The following PDE4A variants were observed in gnomAD, a reference collection of about 807,000 sequenced individuals.
The protein encoded by PDE4A is 3',5'-cyclic-AMP phosphodiesterase 4A.
In PDE4A, 21 loss-of-function variants were observed where a neutral mutation model predicts 73.9. The observed-to-expected ratio is 0.28, with a 90% CI of 0.20 to 0.41. The LOEUF is 0.41. PDE4A is among the 10% of genes least tolerant of loss of function. PDE4A has a pLI of 1.00. For synonymous variants in PDE4A, 463 were observed against 505.4 expected, an observed-to-expected ratio of 0.92 and a Z score of 1.13; for missense variants, 958 against 1,211.4, an observed-to-expected ratio of 0.79 and a Z score of 3.10.
rs2043389879 is a variant in PDE4A at position 10,467,170 on chromosome 19, A to G, written c.2210A>G (p.Gln737Arg). Residue 737 changes from glutamine to arginine, a missense_variant, in exon 15 of 15, where the codon CAG becomes CGG. Physicochemically the swap from Gln to Arg is conservative, Grantham distance 43. Coordinates refer to ENST00000380702, the MANE Select transcript of PDE4A (RefSeq NM_001111307.2). ...ACAGCCCAAGAGGCATTGACTGCGC[A>G]GGGATTGTCAGGAGTCGAGGAAGCT... ...PCTAQEALTA[Q>R]GLSGVEEALD... The G allele has an allele frequency of 6.2e-7, 1 of 1,614,196 alleles. No individual in the cohort carries two copies. The highest frequency in any genetic ancestry group is 8.5e-7 in the Non-Finnish European group (1 of 1,180,030).
At position 10,467,616 on chromosome 19, in the gene PDE4A, A is replaced by C; in HGVS notation, c.2656A>C (p.Thr886Pro). 6.4e-7 allele frequency: 1 copy of C among 1,556,320 alleles called. No homozygotes were observed. The highest frequency in any genetic ancestry group is 8.7e-7 in the Non-Finnish European group (1 of 1,149,196). Residue 886 changes from threonine to proline, a missense_variant, in exon 15 of 15, where the codon ACC becomes CCC. Physicochemically the swap from Thr to Pro is conservative, Grantham distance 38. Around this residue, in one of 3 missense-constraint regions of PDE4A, gnomAD observed 243 missense variants for 245.9 expected, o/e 0.99. Transcript: ENST00000380702. ...PGGGGSGGDPT is the reference protein window; with the variant it reads ...PGGGGSGGDPP Reference sequence around the variant, plus strand: ...TGGCGGGGGGTCAGGTGGAGACCCTACCTGATCCCCAGACCTCTGTCCCTG... The same window carrying C: ...TGGCGGGGGGTCAGGTGGAGACCCTCCCTGATCCCCAGACCTCTGTCCCTG...
intron 2 of PDE4A, among the ~76,000 whole-genome samples, chr19:10,446,678 T>C (rs979171833): frequency 1.1e-4 from 17 of 150,404 alleles, no homozygotes; most frequent in Non-Finnish European, 4.4e-5. Flanking sequence ...CACTGCAACC[T>C]CCGCCTCCTG....
rs148157325 is a variant in PDE4A, at chr19:10,457,943, G to A, written c.942G>A (p.Pro314=). 28 of 1,613,206 alleles carry A rather than the reference G, an allele frequency of 1.7e-5. 1 individual carries two copies. In the Middle Eastern group the frequency reaches 5.5e-4, roughly 32 times the overall value. The stretch of plus-strand genomic sequence containing the variant: ...AGGAACGAGAAAAACAGCAAGCGCC[G>A]CGACCAAGACCCTCCCAGCCGCCCC... The part of the protein sequence containing the change: ...TMKEREKQQA[P]RPRPSQPPPP... Residue 314 remains proline, a synonymous_variant, in exon 8 of 15, where the codon CCG becomes CCA. Coordinates refer to ENST00000380702, the MANE Select transcript of PDE4A (RefSeq NM_001111307.2).
In PDE4A at chr19:10,449,147, A is replaced by G. The variant is rs1303666556; in HGVS notation, c.617A>G (p.Asn206Ser). ...SLLTNVPVPS[N>S]KRSPLGGPTP... ...CTGACCAATGTGCCCGTTCCCAGTAACAAGTAAGTGAAGGCTGGGCTGCAA... is the reference window on the plus strand; with the variant it reads ...CTGACCAATGTGCCCGTTCCCAGTAGCAAGTAAGTGAAGGCTGGGCTGCAA... Residue 206 changes from asparagine to serine, a missense_variant, in exon 4 of 15, where the codon AAC becomes AGC. Asn to Ser is a conservative substitution (Grantham distance 46). Coordinates refer to ENST00000380702, the MANE Select transcript of PDE4A (RefSeq NM_001111307.2). 1 of 1,613,332 alleles carries G rather than the reference A, an allele frequency of 6.2e-7. No individual in the cohort carries two copies. Among genetic ancestry groups the G allele is most frequent in the Non-Finnish European group, 8.5e-7 (1 of 1,179,708 alleles).
chr19:10,457,093 G>A (rs770576755), intron 7 of PDE4A, among the ~76,000 whole-genome samples: 6 of 152,192 alleles, frequency 3.9e-5, no homozygotes, highest in Non-Finnish European at 7.3e-5. Flanking sequence ...AGCTACTCGG[G>A]AGGCTGAGGT....
At chr19:10,430,204 G>T (rs2042768968) in intron 1 of PDE4A, among the ~76,000 whole-genome samples, 1 of 152,034 alleles carries the variant, frequency 6.6e-6, no homozygotes, top group South Asian at 2.1e-4. Flanking sequence ...CAGGGAGTTT[G>T]TGGGAGTGCC....
At chr19:10,459,179 C>T in intron 8 of PDE4A, 1 of 721,214 alleles carries the variant, frequency 1.4e-6, no homozygotes, top group Non-Finnish European at 2.2e-6. Flanking sequence ...TAGAGCAATA[C>T]TTGGCAGATC....
intron 14 of PDE4A, among the ~76,000 whole-genome samples, chr19:10,465,298 G>A (rs2043347425): frequency 6.6e-6 from 1 of 150,794 alleles, no homozygotes; most frequent in Non-Finnish European, 1.5e-5. Context: ...TCAGCTCACT[G>A]CAACCTCCGC....
Position 10,450,976 on chromosome 19 carries a change from C to A in PDE4A, c.783+35C>A, listed in dbSNP as rs991952024. 6 of 1,544,112 alleles carry A rather than the reference C, an allele frequency of 3.9e-6. No homozygotes were observed. The African/African-American group carries it at 5.5e-5, about 14-fold the overall frequency. Reference sequence around the variant, plus strand: ...TGGTGGGCAGAACCCCTGGGCGGGGCAGGCGGGGGCGGGGCCAGTGGGTAG... The same window carrying A: ...TGGTGGGCAGAACCCCTGGGCGGGGAAGGCGGGGGCGGGGCCAGTGGGTAG... On this transcript the variant is annotated intron_variant, in intron 6 of 14. Transcript: ENST00000380702.
chr19:10,428,820 C>T (rs2042750348), intron 1 of PDE4A: 1 of 985,336 alleles, frequency 1.0e-6, no homozygotes, highest in African/African-American at 1.7e-5. Flanking sequence ...AAGGATATTT[C>T]ACAGAGGTGG....
upstream of PDE4A, chr19:10,417,854 C>G: frequency 1.3e-6 from 2 of 1,557,196 alleles, no homozygotes; most frequent in Non-Finnish European, 1.7e-6. Flanking sequence ...TCACCAGGGC[C>G]GAGAACGACA....
At chr19:10,442,524 AAAAAC>A (rs1240147858) in intron 1 of PDE4A, among the ~76,000 whole-genome samples, 1 of 151,450 alleles carries the variant, frequency 6.6e-6, no homozygotes, top group Non-Finnish European at 1.5e-5. Flanking sequence ...ATCCTGTCTC[AAAAAC>A]AAAACAAAGC....
At chr19:10,450,270 G>A (rs1411563832) in intron 4 of PDE4A, among the ~76,000 whole-genome samples, 1 of 152,176 alleles carries the variant, frequency 6.6e-6, no homozygotes, top group Non-Finnish European at 1.5e-5. Flanking sequence ...TCCTTCTGGG[G>A]GTGGGGGATA....
At chr19:10,417,687 C>T (rs867326726), upstream of PDE4A, 2 of 1,595,526 alleles carry the variant, frequency 1.3e-6, no homozygotes, top group African/African-American at 1.3e-5. Context: ...CGAATCCGAC[C>T]GTGCCAACAT....
rs201051351 is a variant in PDE4A at position 10,453,147 on chromosome 19, C to T, written c.784-1682C>T. The T allele has an allele frequency of 3.0e-4, 424 of 1,432,532 alleles. No homozygotes were observed. Among genetic ancestry groups the T allele is most frequent in the African/African-American group, 2.0e-3 (141 of 68,802 alleles). 88.7% of individuals were successfully genotyped at this position (1,432,532 alleles called of 1,614,324 possible). ...TGCTGGGCCGGCCCAGGCCCCTCCG[C>T]GGCTCCCCCTTCCACTACCCACCTG... On this transcript the variant is annotated intron_variant, in intron 6 of 14. Coordinates refer to ENST00000380702, the MANE Select transcript of PDE4A (RefSeq NM_001111307.2). The surrounding 1 kb of genome is among the most constrained non-coding windows in gnomAD (Gnocchi z 4.6).
At chr19:10,457,215 G>A (rs960774100) in intron 7 of PDE4A, among the ~76,000 whole-genome samples, 6 of 152,084 alleles carry the variant, frequency 3.9e-5, no homozygotes, top group Admixed American at 6.6e-5. Flanking sequence ...AAAAGTGTTC[G>A]GTGTTTCCAG....
chr19:10,444,482 G>A (rs2042978046), intron 1 of PDE4A, among the ~76,000 whole-genome samples: 1 of 150,378 alleles, frequency 6.6e-6, no homozygotes. Context: ...TGGGCAACAA[G>A]AGTGAAACTC....
At chr19:10,454,480 G>A (rs1177593621) in intron 6 of PDE4A, among the ~76,000 whole-genome samples, 1 of 152,164 alleles carries the variant, frequency 6.6e-6, no homozygotes, top group Admixed American at 6.5e-5. Context: ...TCGCCATGGC[G>A]ACGGGATTCT....
intron 1 of PDE4A, among the ~76,000 whole-genome samples, chr19:10,445,407 G>A (rs77123125): frequency 0.055 from 8,334 of 152,250 alleles, 316 homozygotes; most frequent in Non-Finnish European, 0.083. Flanking sequence ...GATGCACACC[G>A]GTGCTCAAGT....
Sources: allele counts gnomAD v4.1 joint callset (sites outside exome capture counted in the v4.1 genomes callset), GRCh38; gene constraint gnomAD v4.1.1; regional missense constraint gnomAD v4.1.1; non-coding constraint Gnocchi (gnomAD v3.1); transcripts MANE v1.5; gene names NCBI Gene and HGNC (gene_info 2026-07-23, HGNC 2026-07-21).